Variants in RNLS observed in about 807,000 individuals in gnomAD.
The protein encoded by RNLS is renalase.
A neutral mutation model predicts 39.8 loss-of-function variants in RNLS; 39 were observed. The observed-to-expected ratio is 0.98, with a 90% confidence interval of 0.76 to 1.28. The LOEUF is 1.28. RNLS is among the 50% of genes most tolerant of loss of function. RNLS has a pLI of 0.00. For missense variants in RNLS, 410 were observed against 413.3 expected, an observed-to-expected ratio of 0.99 and a Z score of 0.07; for synonymous variants, 147 against 150.7, an observed-to-expected ratio of 0.98 and a Z score of 0.18.
At chr10:88,444,978 G>C (rs1841952436) in intron 4 of RNLS, among the ~76,000 whole-genome samples, 1 of 152,112 alleles carries the variant, frequency 6.6e-6, no homozygotes. Context: ...ATGCCATAAA[G>C]ATACTCCTCG....
intron 6 of RNLS, among the ~76,000 whole-genome samples, chr10:88,288,877 A>C (rs1843470803): frequency 1.3e-5 from 2 of 152,206 alleles, no homozygotes; most frequent in Admixed American, 1.3e-4. Flanking sequence ...TCACCCATGT[A>C]AAGTAAGAGC....
At chr10:88,243,350 T>C in the RNLS span, among the ~76,000 whole-genome samples, 1 of 152,266 alleles carries the variant, frequency 6.6e-6, no homozygotes, top group African/African-American at 2.4e-5. Flanking sequence ...CAATACTCTG[T>C]GCTAACCCAT....
intron 4 of RNLS, among the ~76,000 whole-genome samples, chr10:88,531,283 A>T (rs1847409124): frequency 6.6e-6 from 1 of 151,958 alleles, no homozygotes; most frequent in African/African-American, 2.4e-5. Context: ...GAGAAACATA[A>T]AAGCAGAAGG....
At chr10:88,371,233 T>C (rs1260782587) in intron 4 of RNLS, among the ~76,000 whole-genome samples, 1 of 152,108 alleles carries the variant, frequency 6.6e-6, no homozygotes, top group Non-Finnish European at 1.5e-5. Flanking sequence ...ACCTAGCACA[T>C]AACAAGTGTA....
intron 4 of RNLS, among the ~76,000 whole-genome samples, chr10:88,491,952 G>GTT (rs201580938): frequency 1.9e-4 from 27 of 144,510 alleles, no homozygotes; most frequent in African/African-American, 5.6e-4. Flanking sequence ...GAGAAAAAGA[G>GTT]TTTTGTTTTT....
At chr10:88,545,971 A>G (rs1174577040) in intron 4 of RNLS, among the ~76,000 whole-genome samples, 1 of 152,012 alleles carries the variant, frequency 6.6e-6, no homozygotes, top group Non-Finnish European at 1.5e-5. Flanking sequence ...TTCATTCAAT[A>G]AATAATTATT....
chr10:88,211,848 A>G, the RNLS span, among the ~76,000 whole-genome samples: 1 of 152,150 alleles, frequency 6.6e-6, no homozygotes, highest in Admixed American at 6.6e-5. Flanking sequence ...GCCTTTTTAA[A>G]ACATCACTCT....
chr10:88,479,942 G>A (rs1381792083), intron 4 of RNLS, among the ~76,000 whole-genome samples: 1 of 151,848 alleles, frequency 6.6e-6, no homozygotes, highest in Non-Finnish European at 1.5e-5. Context: ...ATAAACTCTT[G>A]CATTGTATTA....
Position 88,491,866 on chromosome 10 carries a change from G to T in RNLS, c.526+81037C>A, listed in dbSNP as rs369710873. On this transcript the variant is annotated intron_variant, in intron 4 of 6. Coordinates refer to ENST00000331772, the MANE Select transcript of RNLS (RefSeq NM_001031709.3). ...GGAGGTAATAAAGGACCATTAAGAT[G>T]AAGTGTAAAGATTCCAACCCAATTC... 1.2e-3 allele frequency among the ~76,000 whole-genome samples: 179 copies of T among 151,886 alleles called. 1 individual carries two copies. Among genetic ancestry groups the T allele is most frequent in the African/African-American group, 4.2e-3 (172 of 41,356 alleles).
At chr10:88,456,449 G>T (rs777485943) in intron 4 of RNLS, among the ~76,000 whole-genome samples, 2 of 152,080 alleles carry the variant, frequency 1.3e-5, no homozygotes, top group Non-Finnish European at 2.9e-5. Context: ...GTTAGAAATT[G>T]TAGGGACCAT....
At chr10:88,425,279 AG>A (rs1854676184) in intron 4 of RNLS, among the ~76,000 whole-genome samples, 1 of 152,162 alleles carries the variant, frequency 6.6e-6, no homozygotes, top group African/African-American at 2.4e-5. Context: ...AGTTTTTGTT[AG>A]TACATAAAAC....
chr10:88,195,160 G>A, the RNLS span, among the ~76,000 whole-genome samples: 3 of 152,140 alleles, frequency 2.0e-5, no homozygotes, highest in African/African-American at 7.2e-5. Context: ...CCCTGAATGA[G>A]ATATTTTTGA....
At chr10:88,516,506 T>C (rs991954335) in intron 4 of RNLS, among the ~76,000 whole-genome samples, 4 of 152,010 alleles carry the variant, frequency 2.6e-5, no homozygotes, top group African/African-American at 9.7e-5. Context: ...TTACATGGTA[T>C]GAGAACTTAG....
intron 4 of RNLS, among the ~76,000 whole-genome samples, chr10:88,413,110 C>G (rs568474755): frequency 5.3e-5 from 8 of 152,098 alleles, no homozygotes; most frequent in Middle Eastern, 3.2e-3. Flanking sequence ...TATAATGCAT[C>G]GAGGTGGAGG....
chr10:88,358,615 T>G (rs1249760108), intron 5 of RNLS, among the ~76,000 whole-genome samples: 2 of 152,240 alleles, frequency 1.3e-5, no homozygotes, highest in African/African-American at 4.8e-5. Flanking sequence ...AGTGTTCCAC[T>G]GAACACATTT....
chr10:88,215,850 C>T, the RNLS span, among the ~76,000 whole-genome samples: 3 of 151,982 alleles, frequency 2.0e-5, no homozygotes, highest in Admixed American at 2.0e-4. Flanking sequence ...CAGGTGCACG[C>T]CACCATGCCA....
the RNLS span, among the ~76,000 whole-genome samples, chr10:88,240,481 A>C: frequency 1.3e-5 from 2 of 152,142 alleles, no homozygotes; most frequent in African/African-American, 4.8e-5. Flanking sequence ...TCATACAAGA[A>C]ATACTTGCTA....
At chr10:88,362,860 G>C in intron 4 of RNLS, 135 bp from the exon 5 acceptor site, 5 of 733,018 alleles carry the variant, frequency 6.8e-6, no homozygotes, top group Non-Finnish European at 8.4e-6. Context: ...ATTTTGAAAG[G>C]TAATGTAAAA....
chr10:88,527,426 A>T (rs979187392), intron 4 of RNLS, among the ~76,000 whole-genome samples: 2 of 152,188 alleles, frequency 1.3e-5, no homozygotes, highest in African/African-American at 2.4e-5. Context: ...GCCCTGCTCC[A>T]CTTACCAAGC....
Sources: allele counts gnomAD v4.1 joint callset (sites outside exome capture counted in the v4.1 genomes callset), GRCh38; gene constraint gnomAD v4.1.1; transcripts MANE v1.5; gene names NCBI Gene and HGNC (gene_info 2026-07-23, HGNC 2026-07-21).